HIRA: variants seen among roughly 807,000 people sequenced by gnomAD.
The protein encoded by HIRA is histone cell cycle regulator.
Under a neutral mutation model 126.6 loss-of-function variants are expected in HIRA, and 13 were observed. The observed-to-expected ratio is 0.10, with a 90% confidence interval of 0.07 to 0.16. The LOEUF (loss-of-function observed/expected upper bound fraction) is 0.16, where lower values mean the gene tolerates loss of function less well. Among genes scored for constraint, HIRA ranks in the 10% least tolerant of loss-of-function variants. The pLI is 1.00. For synonymous variants in HIRA, 511 were observed against 520.0 expected, an observed-to-expected ratio of 0.98 and a Z score of 0.24; for missense variants, 834 against 1,314.4, an observed-to-expected ratio of 0.63 and a Z score of 5.65.
chr22:19,355,373 T>C (rs2088801362), intron 21 of HIRA, among the ~76,000 whole-genome samples: 1 of 152,180 alleles, frequency 6.6e-6, no homozygotes, highest in African/African-American at 2.4e-5. Context: ...ACTAATTCAC[T>C]GAGGAAGTCT....
chr22:19,412,272 C>G (rs558786324), intron 1 of HIRA, among the ~76,000 whole-genome samples: 9 of 152,278 alleles, frequency 5.9e-5, no homozygotes, highest in Middle Eastern at 3.4e-3. Flanking sequence ...AAGTGAGAAT[C>G]AAGGTCACAG....
At chr22:19,391,140 C>G (rs943431451) in intron 9 of HIRA, among the ~76,000 whole-genome samples, 1 of 152,128 alleles carries the variant, frequency 6.6e-6, no homozygotes, top group Non-Finnish European at 1.5e-5. Flanking sequence ...TGTATTCATA[C>G]AGTGGAATGC....
chr22:19,422,014 C>A (rs923151119), intron 1 of HIRA, among the ~76,000 whole-genome samples: 31 of 151,974 alleles, frequency 2.0e-4, no homozygotes, highest in African/African-American at 7.3e-4. Context: ...CCTACCTTCC[C>A]AACATACCCA....
chr22:19,394,615 G>A lies in HIRA; in HGVS notation c.655-106C>T, dbSNP rs34622271. 2,700 of 1,132,304 alleles carry A rather than the reference G, an allele frequency of 2.4e-3. 5 individuals are homozygous for A. The highest frequency in any genetic ancestry group is 3.5e-3 in the Admixed American group (158 of 45,046). 70.1% of individuals were successfully genotyped at this position (1,132,304 alleles called of 1,614,324 possible). Reference sequence around the variant, plus strand: ...TTCAATTTATAAATGTGTGATGGTGGAGCATGCACCCCAAGCTTCTGGCTA... The same window carrying A: ...TTCAATTTATAAATGTGTGATGGTGAAGCATGCACCCCAAGCTTCTGGCTA... On this transcript the variant is annotated intron_variant, in intron 7 of 24. Coordinates refer to ENST00000263208, the MANE Select transcript of HIRA (RefSeq NM_003325.4).
In HIRA at chr22:19,422,815, A is replaced by C. The variant is rs550773643; in HGVS notation, c.37+8625T>G. ...GTTGGCAGCCCCAACAGCTCCCTGT[A>C]GTCTTCCTCCAGGTCAGACCTGCCC... is the stretch of plus-strand genomic sequence containing the variant. On this transcript the variant is annotated intron_variant, in intron 1 of 24. Coordinates refer to ENST00000263208, the MANE Select transcript of HIRA (RefSeq NM_003325.4). Among the ~76,000 whole-genome samples, 9 of 152,272 alleles carry C rather than the reference A, an allele frequency of 5.9e-5. No homozygotes were observed. In the East Asian group the frequency reaches 1.7e-3, roughly 29 times the overall value.
intron 9 of HIRA, 110 bp from the exon 10 acceptor site, chr22:19,388,664 T>C: frequency 1.3e-6 from 1 of 799,510 alleles, no homozygotes; most frequent in Non-Finnish European, 2.2e-6. Flanking sequence ...GCTGCTGATA[T>C]TTAAGGCATC....
At chr22:19,353,233 A>C in intron 23 of HIRA, 123 bp downstream of exon 23, 1 of 1,200,222 alleles carries the variant, frequency 8.3e-7, no homozygotes, top group South Asian at 1.3e-5. Context: ...ACTGCAGCTC[A>C]GGCTGGGAGG....
chr22:19,342,103 A>C (rs2088635587), intron 24 of HIRA, among the ~76,000 whole-genome samples: 1 of 152,226 alleles, frequency 6.6e-6, no homozygotes, highest in African/African-American at 2.4e-5. Context: ...ACAAATCAGC[A>C]AGATAAAAAC....
At chr22:19,369,103 GC>G (rs1226350526) in intron 15 of HIRA, among the ~76,000 whole-genome samples, 1 of 152,124 alleles carries the variant, frequency 6.6e-6, no homozygotes, top group Admixed American at 6.5e-5. Context: ...GGCCAGGGCT[GC>G]CCCCCTTACA....
At chr22:19,381,985 T>C (rs1304513987) in intron 13 of HIRA, among the ~76,000 whole-genome samples, 2 of 152,176 alleles carry the variant, frequency 1.3e-5, no homozygotes, top group Non-Finnish European at 2.9e-5. Context: ...TCAAAAACCA[T>C]CCACTTTCTG....
chr22:19,334,471 C>T (rs1210691), intron 24 of HIRA, among the ~76,000 whole-genome samples: 145,635 of 150,136 alleles, frequency 0.97, 70,714 homozygotes, highest in African/African-American at 0.99. Context: ...GCCAACATGG[C>T]GAAACCCCAT....
At chr22:19,353,914 G>C (rs1226831664) in intron 22 of HIRA, 82 bp downstream of exon 22, 1 of 1,518,922 alleles carries the variant, frequency 6.6e-7, no homozygotes, top group African/African-American at 1.4e-5. Flanking sequence ...ACCAGGCCTG[G>C]GCAGGGACTG....
chr22:19,365,803 G>A (rs1002324017), intron 15 of HIRA: 1 of 152,082 alleles, frequency 6.6e-6, no homozygotes, highest in Non-Finnish European at 1.5e-5. Context: ...GAGGCAGGAG[G>A]ACTGTTTAAG....
intron 1 of HIRA, among the ~76,000 whole-genome samples, chr22:19,429,610 T>C (rs1245711767): frequency 6.6e-6 from 1 of 152,212 alleles, no homozygotes; most frequent in African/African-American, 2.4e-5. Flanking sequence ...AGGGCCACTG[T>C]TGTGCTTGCT....
At chr22:19,410,812 AT>A (rs2089346500) in intron 1 of HIRA, 34 bp from the exon 2 acceptor site, 1 of 1,547,560 alleles carries the variant, frequency 6.5e-7, no homozygotes, top group Non-Finnish European at 8.9e-7. Context: ...CAGTATCTAA[AT>A]TGGCTTTTAT....
At chr22:19,396,968 T>G in intron 6 of HIRA, 21 bp from the exon 7 acceptor site, 1 of 1,612,606 alleles carries the variant, frequency 6.2e-7, no homozygotes, top group South Asian at 1.1e-5. Flanking sequence ...AAAAGGAATG[T>G]GGAGAGGTGT....
chr22:19,367,852 T>C (rs537998353), intron 15 of HIRA, among the ~76,000 whole-genome samples: 2 of 152,202 alleles, frequency 1.3e-5, no homozygotes, highest in African/African-American at 2.4e-5. Flanking sequence ...GCTGAATCCA[T>C]AGATGTGGAA....
intron 9 of HIRA, 142 bp downstream of exon 9, chr22:19,391,959 A>C (rs1282553909): frequency 6.2e-6 from 3 of 480,628 alleles, no homozygotes; most frequent in African/African-American, 5.8e-5. Context: ...AGAGCCTGTG[A>C]GCTTCCAAGG....
chr22:19,334,841 G>T (rs1263400680), intron 24 of HIRA, among the ~76,000 whole-genome samples: 1 of 152,058 alleles, frequency 6.6e-6, no homozygotes, highest in Admixed American at 6.5e-5. Flanking sequence ...TATATTTAAT[G>T]ATTATTGATA....
Sources: gnomAD v4.1 joint callset for allele counts (sites outside exome capture counted in the v4.1 genomes callset) on GRCh38, gnomAD v4.1.1 for gene constraint, MANE v1.5 for transcripts, NCBI Gene and HGNC (gene_info 2026-07-23, HGNC 2026-07-21) for gene names.